The following NCKAP5 variants were observed in gnomAD, a reference collection of about 807,000 sequenced individuals.
The protein encoded by NCKAP5 is NCK associated protein 5.
A neutral mutation model predicts 167.0 loss-of-function variants in NCKAP5; 92 were observed. The ratio of observed to expected loss-of-function variants is 0.55; its 90% CI spans 0.47 to 0.66. NCKAP5 has a LOEUF of 0.66. Among genes scored for constraint, NCKAP5 ranks in the 30% least tolerant of loss-of-function variants. NCKAP5 has a pLI of 0.00. For missense variants in NCKAP5, 2,378 were observed against 2,315.0 expected, an observed-to-expected ratio of 1.03 and a Z score of -0.56; for synonymous variants, 891 against 877.4, an observed-to-expected ratio of 1.02 and a Z score of -0.27.
intron 3 of NCKAP5, among the ~76,000 whole-genome samples, chr2:133,407,081 C>T (rs1452281518): frequency 6.6e-6 from 1 of 152,236 alleles, no homozygotes; most frequent in African/African-American, 2.4e-5. Context: ...TGACCTCATA[C>T]ATGAGCCTCT....
chr2:132,868,737 G>A (rs971388448), intron 10 of NCKAP5, among the ~76,000 whole-genome samples, 199 bp downstream of exon 10: 5 of 152,140 alleles, frequency 3.3e-5, no homozygotes, highest in Admixed American at 6.6e-5. Flanking sequence ...TTATTTTACC[G>A]AAAGTTTGGA....
At chr2:133,577,642 T>C in the NCKAP5 span, among the ~76,000 whole-genome samples, 1 of 152,148 alleles carries the variant, frequency 6.6e-6, no homozygotes, top group Non-Finnish European at 1.5e-5. Flanking sequence ...GCATTAGGTA[T>C]ATCTCCTAAT....
At chr2:133,011,699 A>G (rs1440219692) in intron 6 of NCKAP5, among the ~76,000 whole-genome samples, 1 of 152,236 alleles carries the variant, frequency 6.6e-6, no homozygotes, top group Non-Finnish European at 1.5e-5. Flanking sequence ...TTTGAAGCAC[A>G]TCAATACAGA....
intron 16 of NCKAP5, among the ~76,000 whole-genome samples, chr2:132,763,562 T>C (rs572641997): frequency 2.0e-5 from 3 of 152,300 alleles, no homozygotes; most frequent in African/African-American, 7.2e-5. Context: ...GTGATTTTGG[T>C]ATCAGTATTT....
At chr2:132,974,933 C>G (rs910034540) in intron 7 of NCKAP5, among the ~76,000 whole-genome samples, 1 of 152,248 alleles carries the variant, frequency 6.6e-6, no homozygotes, top group Non-Finnish European at 1.5e-5. Flanking sequence ...GTCTGGCTGA[C>G]AGCTGCTCCA....
chr2:133,086,404 G>A (rs1431376157), intron 6 of NCKAP5, among the ~76,000 whole-genome samples: 2 of 152,142 alleles, frequency 1.3e-5, no homozygotes, highest in African/African-American at 2.4e-5. Flanking sequence ...ATGGGAGAAC[G>A]AGGTAGGAGG....
intron 19 of NCKAP5, chr2:132,714,852 G>T (rs949905468): frequency 4.4e-6 from 2 of 454,334 alleles, no homozygotes; most frequent in Non-Finnish European, 8.8e-6. Context: ...CACAGCCAGC[G>T]CTGAAACCCA....
At chr2:133,185,733 G>T (rs2084919481) in intron 5 of NCKAP5, among the ~76,000 whole-genome samples, 1 of 151,846 alleles carries the variant, frequency 6.6e-6, no homozygotes, top group Admixed American at 6.6e-5. Context: ...TTGTAAATGG[G>T]GTTGTATTCT....
the NCKAP5 span, among the ~76,000 whole-genome samples, chr2:133,617,669 G>T: frequency 1.3e-3 from 201 of 150,918 alleles, 1 homozygote; most frequent in African/African-American, 4.7e-3. Context: ...CAAACAAATG[G>T]AAGAACATCC....
chr2:133,228,720 A>T (rs1164133398), intron 4 of NCKAP5, among the ~76,000 whole-genome samples: 1 of 152,232 alleles, frequency 6.6e-6, no homozygotes, highest in East Asian at 1.9e-4. Flanking sequence ...TTTCTGTTCT[A>T]TTCCTATCCT....
intron 3 of NCKAP5, among the ~76,000 whole-genome samples, chr2:133,323,053 A>G (rs577765115): frequency 6.6e-5 from 10 of 152,334 alleles, no homozygotes; most frequent in African/African-American, 2.2e-4. Flanking sequence ...AGCTGCAAGT[A>G]AGAGTTCCCT....
At chr2:133,250,871 A>C (rs1416701418) in intron 4 of NCKAP5, among the ~76,000 whole-genome samples, 1 of 152,170 alleles carries the variant, frequency 6.6e-6, no homozygotes, top group Non-Finnish European at 1.5e-5. Context: ...TTGAGGCTGC[A>C]GTGAGCCTTG....
At chr2:132,729,694 A>G (rs529922648) in intron 17 of NCKAP5, among the ~76,000 whole-genome samples, 1 of 152,266 alleles carries the variant, frequency 6.6e-6, no homozygotes, top group South Asian at 2.1e-4. Context: ...GAGTTTCCCC[A>G]CTACCCATGA....
chr2:132,987,509 A>G (rs2077322643), intron 7 of NCKAP5, among the ~76,000 whole-genome samples: 1 of 152,244 alleles, frequency 6.6e-6, no homozygotes, highest in African/African-American at 2.4e-5. Flanking sequence ...GGAAAAAGTA[A>G]TTATGATGTT....
chr2:133,278,097 G>C (rs1407640618), intron 4 of NCKAP5, among the ~76,000 whole-genome samples: 1 of 152,140 alleles, frequency 6.6e-6, no homozygotes, highest in Non-Finnish European at 1.5e-5. Flanking sequence ...ACCTGACAAT[G>C]ACTCAAACTC....
intron 7 of NCKAP5, among the ~76,000 whole-genome samples, chr2:132,970,092 C>T (rs2076788589): frequency 6.6e-6 from 1 of 152,152 alleles, no homozygotes; most frequent in Non-Finnish European, 1.5e-5. Context: ...TGGCTATACC[C>T]TATCCACAGA....
Position 133,010,026 on chromosome 2 carries a change from G to GTGC in NCKAP5, c.342-15790_342-15788dup, listed in dbSNP as rs965021348. On this transcript the variant is annotated intron_variant, in intron 6 of 19. Transcript: ENST00000409261. ...GCAGAGCTTGCAGTGAGCCGAGATG[G>GTGC]TGCCACTGCACTCCAGCCTGGGGGA... Among the ~76,000 whole-genome samples, 260 of 151,382 alleles carry GTGC rather than the reference G, an allele frequency of 1.7e-3. 1 individual carries two copies. The highest frequency in any genetic ancestry group is 5.8e-3 in the African/African-American group (240 of 41,248).
At chr2:133,437,955 TGAA>T (rs1690598236) in intron 3 of NCKAP5, among the ~76,000 whole-genome samples, 1 of 152,050 alleles carries the variant, frequency 6.6e-6, no homozygotes. Context: ...ATATTTCATT[TGAA>T]GAAGGGATTT....
At chr2:133,435,297 T>C (rs995944523) in intron 3 of NCKAP5, among the ~76,000 whole-genome samples, 1 of 152,236 alleles carries the variant, frequency 6.6e-6, no homozygotes, top group Non-Finnish European at 1.5e-5. Flanking sequence ...CAACTTCTTA[T>C]CCTGGAAAAT....
Sources: allele counts gnomAD v4.1 joint callset (sites outside exome capture counted in the v4.1 genomes callset), GRCh38; gene constraint gnomAD v4.1.1; transcripts MANE v1.5; gene names NCBI Gene and HGNC (gene_info 2026-07-23, HGNC 2026-07-21).